ITGBL1: variants seen among roughly 807,000 people sequenced by gnomAD.
ITGBL1 encodes the protein integrin subunit beta like 1.
A neutral mutation model predicts 68.5 loss-of-function variants in ITGBL1; 51 were observed. The ratio of observed to expected loss-of-function variants is 0.74; its 90% CI spans 0.59 to 0.94. The LOEUF (loss-of-function observed/expected upper bound fraction) is 0.94, where lower values mean the gene tolerates loss of function less well. ITGBL1 is among the 40% of genes least tolerant of loss of function. The probability of loss-of-function intolerance (pLI) is 0.00; values close to 1 mark genes in which losing one functional copy is unlikely to be tolerated. For missense variants in ITGBL1, 649 were observed against 647.4 expected (o/e 1.00, Z -0.03); for synonymous variants, 209 against 227.3 (o/e 0.92, Z 0.72).
chr13:101,591,374 A>G (rs541056994), intron 6 of ITGBL1, among the ~76,000 whole-genome samples: 3 of 152,214 alleles, frequency 2.0e-5, no homozygotes, highest in Non-Finnish European at 4.4e-5. Flanking sequence ...TTTCCTTTCA[A>G]CTGAGGTCTA....
chr13:101,606,398 A>G (rs2030860732), intron 7 of ITGBL1, among the ~76,000 whole-genome samples: 1 of 151,516 alleles, frequency 6.6e-6, no homozygotes, highest in Admixed American at 6.6e-5. Context: ...GATGTAGCTC[A>G]TATAGCCATT....
At chr13:101,519,387 T>G (rs2049247508) in intron 2 of ITGBL1, among the ~76,000 whole-genome samples, 1 of 152,104 alleles carries the variant, frequency 6.6e-6, no homozygotes, top group South Asian at 2.1e-4. Flanking sequence ...TTTAAAATCT[T>G]AATTAGGTTA....
intron 7 of ITGBL1, among the ~76,000 whole-genome samples, chr13:101,671,274 A>G (rs1036140653): frequency 3.5e-4 from 54 of 152,176 alleles, no homozygotes; most frequent in African/African-American, 1.3e-3. Context: ...AATTAATTAC[A>G]TGAAGTGAAA....
chr13:101,525,684 C>T (rs1001512124), intron 2 of ITGBL1, among the ~76,000 whole-genome samples: 1 of 152,036 alleles, frequency 6.6e-6, no homozygotes, highest in Admixed American at 6.6e-5. Context: ...TGATGTTTTA[C>T]ACTTACTATT....
intron 2 of ITGBL1, among the ~76,000 whole-genome samples, chr13:101,554,157 T>C (rs998649561): frequency 1.3e-5 from 2 of 152,190 alleles, no homozygotes; most frequent in Non-Finnish European, 2.9e-5. Context: ...ACTAATTCTA[T>C]CTACAACCAC....
intron 3 of ITGBL1, among the ~76,000 whole-genome samples, chr13:101,574,195 A>C (rs999084338): frequency 1.3e-5 from 2 of 152,152 alleles, no homozygotes; most frequent in Non-Finnish European, 2.9e-5. Flanking sequence ...CATGACCTAT[A>C]AGACTTCCAT....
intron 2 of ITGBL1, among the ~76,000 whole-genome samples, chr13:101,477,942 T>G (rs973245243): frequency 1.3e-5 from 2 of 151,992 alleles, no homozygotes; most frequent in Non-Finnish European, 1.5e-5. Flanking sequence ...CTTTAACTAT[T>G]TCAAAAAATG....
At chr13:101,556,017 C>T (rs1034000337) in intron 2 of ITGBL1, among the ~76,000 whole-genome samples, 1 of 152,198 alleles carries the variant, frequency 6.6e-6, no homozygotes, top group African/African-American at 2.4e-5. Flanking sequence ...TCTCCAAACA[C>T]TTTCAGTGTG....
intron 7 of ITGBL1, among the ~76,000 whole-genome samples, chr13:101,679,553 A>ACCTCAGTAGGAAATGT (rs2033591407): frequency 3.9e-5 from 6 of 152,346 alleles, no homozygotes; most frequent in African/African-American, 1.4e-4. Context: ...TACACTGGTT[A>ACCTCAGTAGGAAATGT]AGAACTTCAG....
At chr13:101,598,072 C>T (rs2030093243) in intron 6 of ITGBL1, 81 bp from the exon 7 acceptor site, 1 of 1,278,896 alleles carries the variant, frequency 7.8e-7, no homozygotes, top group Non-Finnish European at 1.1e-6. Flanking sequence ...TCATTTGTGA[C>T]ATTTGCTGTT....
rs117978492 is a variant in ITGBL1, at chr13:101,461,408, G to A, written c.316+7308G>A. ...AGGTAGGTGATCAATGCCCTAGGAG[G>A]GACTGGGTGTAGTGGCTCACATCGC... is the stretch of plus-strand genomic sequence containing the variant. On this transcript the variant is annotated intron_variant, in intron 2 of 10. Transcript: ENST00000376180. Among the ~76,000 whole-genome samples the A allele has an allele frequency of 8.2e-3, 1,242 of 152,146 alleles. 13 individuals carry two copies. The highest frequency in any genetic ancestry group is 0.013 in the Non-Finnish European group (861 of 67,978).
chr13:101,515,476 T>G (rs2049180433), intron 2 of ITGBL1, among the ~76,000 whole-genome samples: 1 of 152,146 alleles, frequency 6.6e-6, no homozygotes, highest in South Asian at 2.1e-4. Flanking sequence ...GTCTTTCCAC[T>G]AGTTCTTGTT....
chr13:101,531,712 T>TTTATTTTG (rs2049483290), intron 2 of ITGBL1, among the ~76,000 whole-genome samples: 1 of 73,026 alleles, frequency 1.4e-5, no homozygotes, highest in African/African-American at 4.7e-5. Flanking sequence ...TATTTATTTA[T>TTTATTTTG]TTATTTATTT....
chr13:101,708,152 T>C (rs1361757220), intron 9 of ITGBL1, among the ~76,000 whole-genome samples: 1 of 152,106 alleles, frequency 6.6e-6, no homozygotes, highest in Non-Finnish European at 1.5e-5. Context: ...GATGTTTCTG[T>C]ATACTATTCT....
rs534613927 is a variant in ITGBL1 at position 101,694,406 on chromosome 13, ACTTTTCTTTT to A, written c.1132+1721_1132+1730del. On this transcript the variant is annotated intron_variant, in intron 8 of 10. Coordinates refer to ENST00000376180, the MANE Select transcript of ITGBL1 (RefSeq NM_004791.3). ...TGTCTCTGCTCTTGTTACCATTGTTACTTTTCTTTTCTTTTCTTTTCTTTTTTTTCTTTTT... is the reference window on the plus strand; with the variant it reads ...TGTCTCTGCTCTTGTTACCATTGTTACTTTTCTTTTCTTTTTTTTCTTTTT... Among the ~76,000 whole-genome samples, 138 of 151,818 alleles carry A rather than the reference ACTTTTCTTTT, an allele frequency of 9.1e-4. 1 individual carries two copies. Among genetic ancestry groups the A allele is most frequent in the African/African-American group, 2.9e-3 (118 of 41,378 alleles).
chr13:101,525,593 C>A (rs559737144), intron 2 of ITGBL1, among the ~76,000 whole-genome samples: 1 of 151,366 alleles, frequency 6.6e-6, no homozygotes, highest in South Asian at 2.1e-4. Flanking sequence ...AGATGAATTC[C>A]GTGTCTATTT....
chr13:101,656,383 A>G (rs767829260), intron 7 of ITGBL1, among the ~76,000 whole-genome samples: 2 of 152,190 alleles, frequency 1.3e-5, no homozygotes, highest in Non-Finnish European at 2.9e-5. Context: ...TTGCAGGTCC[A>G]TTTCAACATA....
At chr13:101,676,600 T>G (rs1030131038) in intron 7 of ITGBL1, among the ~76,000 whole-genome samples, 2 of 152,170 alleles carry the variant, frequency 1.3e-5, no homozygotes. Context: ...ATTATTTGGA[T>G]AGAAGGTAGA....
intron 2 of ITGBL1, among the ~76,000 whole-genome samples, chr13:101,482,893 A>G (rs1037941175): frequency 1.3e-5 from 2 of 152,184 alleles, no homozygotes; most frequent in Admixed American, 1.3e-4. Flanking sequence ...GGGACTTGTT[A>G]AAACTGTGAA....
Sources: allele counts gnomAD v4.1 joint callset (sites outside exome capture counted in the v4.1 genomes callset), GRCh38; gene constraint gnomAD v4.1.1; transcripts MANE v1.5; gene names NCBI Gene and HGNC (gene_info 2026-07-23, HGNC 2026-07-21).